DGCR8: variants seen among roughly 807,000 people sequenced by gnomAD.
DGCR8 encodes the protein DGCR8 microprocessor complex subunit.
In DGCR8, 14 loss-of-function variants were observed where a neutral mutation model predicts 78.5. The ratio of observed to expected loss-of-function variants is 0.18; its 90% CI spans 0.12 to 0.28. The LOEUF is 0.28. DGCR8 is among the 10% of genes least tolerant of loss of function. The pLI, the probability that DGCR8 is intolerant of heterozygous loss-of-function variation, is 1.00. For missense variants in DGCR8, 702 were observed against 1,022.5 expected (o/e 0.69, Z 4.28); for synonymous variants, 399 against 402.4 (o/e 0.99, Z 0.10).
chr22:20,100,233 AT>A (rs1355779514), intron 9 of DGCR8: 1 of 517,392 alleles, frequency 1.9e-6, no homozygotes, highest in Non-Finnish European at 2.5e-6. Flanking sequence ...CGCCCGGCTA[AT>A]TTTTGTATTT....
chr22:20,100,475 T>G, intron 9 of DGCR8: 2 of 985,350 alleles, frequency 2.0e-6, no homozygotes, highest in Non-Finnish European at 2.4e-6. Flanking sequence ...CCAAAACTCT[T>G]AGTATGGGTT....
chr22:20,090,301 C>A, intron 5 of DGCR8, 43 bp downstream of exon 5: 1 of 1,541,038 alleles, frequency 6.5e-7, no homozygotes, highest in South Asian at 1.3e-5. Flanking sequence ...TCCTGGGACC[C>A]ATGAGCTTTG....
chr22:20,100,730 G>A, intron 9 of DGCR8: 3 of 985,434 alleles, frequency 3.0e-6, no homozygotes, highest in Non-Finnish European at 2.4e-6. Context: ...GTTTCCCCAG[G>A]TGGAGAAGGA....
chr22:20,087,112 C>G lies in DGCR8; in HGVS notation c.721-50C>G, dbSNP rs755658510. The G allele has an allele frequency of 1.3e-6, 2 of 1,562,920 alleles. No homozygotes were observed. The highest frequency in any genetic ancestry group is 1.8e-5 in the Admixed American group (1 of 54,166). On this transcript the variant is annotated intron_variant, in intron 2 of 13. Transcript: ENST00000351989. The surrounding 1 kb of genome is among the most constrained non-coding windows in gnomAD (Gnocchi z 4.1). Reference sequence around the variant, plus strand: ...GGAATGCTGTTGAGCTCTCCTGTTGCAGGAGCATGAGCGCCAGGGGCTCTG... The same window carrying G: ...GGAATGCTGTTGAGCTCTCCTGTTGGAGGAGCATGAGCGCCAGGGGCTCTG...
intron 8 of DGCR8, among the ~76,000 whole-genome samples, chr22:20,093,956 A>C (rs1015671327): frequency 1.3e-5 from 2 of 152,184 alleles, no homozygotes; most frequent in African/African-American, 4.8e-5. Flanking sequence ...TGCCCATCTT[A>C]GATTCTGCCT....
intron 3 of DGCR8, among the ~76,000 whole-genome samples, chr22:20,088,983 C>G (rs1372103369): frequency 6.6e-6 from 1 of 152,132 alleles, no homozygotes; most frequent in African/African-American, 2.4e-5. Context: ...CAGGGTCTTG[C>G]TGTGTTGCCT....
At chr22:20,090,375 C>T (rs1381698542) in intron 5 of DGCR8, 117 bp downstream of exon 5, 3 of 1,213,428 alleles carry the variant, frequency 2.5e-6, no homozygotes, top group Non-Finnish European at 3.4e-6. Flanking sequence ...AGGGGCTGTG[C>T]ACCTCCACTG....
intron 9 of DGCR8, among the ~76,000 whole-genome samples, chr22:20,104,427 A>G (rs2049745925): frequency 6.6e-6 from 1 of 151,358 alleles, no homozygotes. Flanking sequence ...TCGGCCTCCC[A>G]AAGTGCTGGG....
At position 20,092,709 on chromosome 22, in the gene DGCR8, C is replaced by A. The variant is rs1016178738; in HGVS notation, c.1607-100C>A. ...AGCACAGGCCCACTCTCTGCAGGGACAGCCCCTGACTGCGCCTTGTCTGTC... is the reference window on the plus strand; with the variant it reads ...AGCACAGGCCCACTCTCTGCAGGGAAAGCCCCTGACTGCGCCTTGTCTGTC... On this transcript the variant is annotated intron_variant, in intron 7 of 13. Coordinates refer to ENST00000351989, the MANE Select transcript of DGCR8 (RefSeq NM_022720.7). 4.0e-6 allele frequency: 4 copies of A among 1,010,522 alleles called. No homozygotes were observed. The African/African-American group carries it at 4.8e-5, about 12-fold the overall frequency. The allele number at this position is 1,010,522 out of a possible 1,614,324, so 62.6% of individuals were successfully genotyped here. A position where few individuals can be genotyped will look rare whatever the true frequency, so the allele number is the denominator to read the frequency against.
At position 20,089,602 on chromosome 22, in the gene DGCR8, A is replaced by T; in HGVS notation, c.881-67A>T. The T allele has an allele frequency of 6.4e-7, 1 of 1,558,886 alleles. No individual in the cohort carries two copies. The highest frequency in any genetic ancestry group is 8.8e-7 in the Non-Finnish European group (1 of 1,137,606). On this transcript the variant is annotated intron_variant, in intron 3 of 13. Coordinates refer to ENST00000351989, the MANE Select transcript of DGCR8 (RefSeq NM_022720.7). The surrounding 1 kb of genome is among the most constrained non-coding windows in gnomAD (Gnocchi z 4.9). ...AGTACCCAACAATTTCTTGTGCAGG[A>T]GGTGCTGTGGCAACAATTCCAAGTG...
At chr22:20,108,557 T>C (rs548960038) in intron 12 of DGCR8, 2 of 274,670 alleles carry the variant, frequency 7.3e-6, no homozygotes, top group African/African-American at 2.2e-5. Flanking sequence ...ATGGCCACAC[T>C]CTGGTTTCAC....
Position 20,087,116 on chromosome 22 carries a change from A to C in DGCR8, c.721-46A>C, listed in dbSNP as rs749821462. On this transcript the variant is annotated intron_variant, in intron 2 of 13. Transcript: ENST00000351989. The surrounding 1 kb of genome is among the most constrained non-coding windows in gnomAD (Gnocchi z 4.1). ...TGCTGTTGAGCTCTCCTGTTGCAGG[A>C]GCATGAGCGCCAGGGGCTCTGGTGT... 5.1e-6 allele frequency: 8 copies of C among 1,566,760 alleles called. No individual in the cohort carries two copies. Among genetic ancestry groups the C allele is most frequent in the Non-Finnish European group, 6.9e-6 (8 of 1,153,738 alleles).
chr22:20,084,869 C>A, intron 1 of DGCR8: 1 of 539,296 alleles, frequency 1.9e-6, no homozygotes, highest in Non-Finnish European at 2.4e-6. Context: ...CCTGGCACAG[C>A]TGTGGGTCTC....
At position 20,089,396 on chromosome 22, in the gene DGCR8, G is replaced by A. The variant is rs911159985; in HGVS notation, c.881-273G>A. ...ACAGTGCTTACCAGATGTGGAGGCA[G>A]GAGCTGAGGCTGGGACTTATATCTT... On this transcript the variant is annotated intron_variant, in intron 3 of 13. Coordinates refer to ENST00000351989, the MANE Select transcript of DGCR8 (RefSeq NM_022720.7). This position sits in a 1 kb window ranked among gnomAD's most constrained non-coding sequence, Gnocchi z 4.9. Among the ~76,000 whole-genome samples, 29 of 152,234 alleles carry A rather than the reference G, an allele frequency of 1.9e-4. No individual in the cohort carries two copies. Among genetic ancestry groups the A allele is most frequent in the Non-Finnish European group, 5.9e-5 (4 of 68,048 alleles).
chr22:20,107,218 T>C, intron 11 of DGCR8, 53 bp from the exon 12 acceptor site: 1 of 1,611,920 alleles, frequency 6.2e-7, no homozygotes, highest in Non-Finnish European at 8.5e-7. Context: ...GGGGGCCCCA[T>C]GAGCACTGGG....
At position 20,085,757 on chromosome 22, in the gene DGCR8, C is replaced by A; in HGVS notation, c.-207C>A. On this transcript the variant is annotated 5_prime_UTR_variant, in exon 2 of 14. Coordinates refer to ENST00000351989, the MANE Select transcript of DGCR8 (RefSeq NM_022720.7). This position sits in a 1 kb window ranked among gnomAD's most constrained non-coding sequence, Gnocchi z 6.2. ...AGTCGCCAGTCACTTAAGCTGAGTG[C>A]ATTGTGATTTCCAATAATTGAGGCA... The A allele has an allele frequency of 7.1e-7, 1 of 1,417,518 alleles. No individual in the cohort carries two copies. Among genetic ancestry groups the A allele is most frequent in the Non-Finnish European group, 9.2e-7 (1 of 1,092,326 alleles). The allele number at this position is 1,417,518 out of a possible 1,614,324, so 87.8% of individuals were successfully genotyped here.
Position 20,089,704 on chromosome 22 carries a change from G to A in DGCR8, c.916G>A (p.Gly306Arg), listed in dbSNP as rs2049529627. 5 of 1,613,766 alleles carry A rather than the reference G, an allele frequency of 3.1e-6. No individual in the cohort carries two copies. The highest frequency in any genetic ancestry group is 1.1e-5 in the South Asian group (1 of 91,052). The change falls in exon 4 of 14, where the codon GGG (glycine) becomes AGG (arginine). Residue 306 changes from glycine (G) to arginine (R), a missense_variant. Physicochemically the swap from Gly to Arg is moderately radical, Grantham distance 125. Coordinates refer to ENST00000351989, the MANE Select transcript of DGCR8 (RefSeq NM_022720.7). The surrounding 1 kb of genome is among the most constrained non-coding windows in gnomAD (Gnocchi z 4.9). ...CCCACCTACAGAGCCGCTGCCCGAC[G>A]GGTGGATCATGACATTCCATAACTC... is the stretch of plus-strand genomic sequence containing the variant. ...GRPPTEPLPD[G>R]WIMTFHNSGV...
At position 20,080,410 on chromosome 22, in the gene DGCR8, G is replaced by T. The variant is rs1162932829; in HGVS notation, c.-278+27G>T. On this transcript the variant is annotated intron_variant, in intron 1 of 13. Transcript: ENST00000351989. ...TAGGTGCGGGGCGCGAGGGGCGCCCGCGGGCGGTTGGGCGGGCGCCGCGGC... is the reference window on the plus strand; with the variant it reads ...TAGGTGCGGGGCGCGAGGGGCGCCCTCGGGCGGTTGGGCGGGCGCCGCGGC... 3 of 933,090 alleles carry T rather than the reference G, an allele frequency of 3.2e-6. No homozygotes were observed. In the African/African-American group the frequency reaches 5.6e-5, roughly 17 times the overall value. The allele number at this position is 933,090 out of a possible 1,614,324, so 57.8% of individuals were successfully genotyped here. A position where few individuals can be genotyped will look rare whatever the true frequency, so the allele number is the denominator to read the frequency against.
chr22:20,111,543 AAT>A lies in DGCR8; in HGVS notation c.*1437_*1438del, dbSNP rs981958808. On this transcript the variant is annotated 3_prime_UTR_variant, in exon 14 of 14. Transcript: ENST00000351989. ...GTCTTGCCTCCTGTCTGCAGCTGTG[AAT>A]AGTCATTTGACTGTGACTGTTGCCC... 3 of 397,664 alleles carry A rather than the reference AAT, an allele frequency of 7.5e-6. No homozygotes were observed. The highest frequency in any genetic ancestry group is 4.4e-5 in the Admixed American group (1 of 22,714). The allele number at this position is 397,664 out of a possible 1,614,324, so 24.6% of individuals were successfully genotyped here.
Sources: gnomAD v4.1 joint callset for allele counts (sites outside exome capture counted in the v4.1 genomes callset) on GRCh38, gnomAD v4.1.1 for gene constraint, Gnocchi (gnomAD v3.1) non-coding constraint, MANE v1.5 for transcripts, NCBI Gene and HGNC (gene_info 2026-07-23, HGNC 2026-07-21) for gene names.